Variants in GPC5 observed in about 807,000 individuals in gnomAD.
GPC5 encodes the protein glypican 5, also known as glypican-5.
In GPC5, 47 loss-of-function variants were observed where a neutral mutation model predicts 53.9. The observed-to-expected ratio is 0.87, with a 90% CI of 0.69 to 1.11. The LOEUF is 1.11. Among genes scored for constraint, GPC5 ranks in the 50% most tolerant of loss-of-function variants. GPC5 has a pLI of 0.00. For synonymous variants in GPC5, 286 were observed against 263.3 expected (o/e 1.09, Z -0.84); for missense variants, 748 against 713.1 (o/e 1.05, Z -0.56).
intron 5 of GPC5, among the ~76,000 whole-genome samples, chr13:91,837,134 A>G (rs1234362561): frequency 6.6e-6 from 1 of 151,406 alleles, no homozygotes; most frequent in Admixed American, 6.6e-5. Context: ...CCCAAGGCAA[A>G]TTAAAATTTT....
chr13:92,505,660 G>A (rs1880340046), intron 7 of GPC5, among the ~76,000 whole-genome samples: 1 of 152,026 alleles, frequency 6.6e-6, no homozygotes, highest in South Asian at 2.1e-4. Context: ...ACATATGAAT[G>A]TTTATAGCAG....
At chr13:91,959,714 C>T (rs1594688730) in intron 6 of GPC5, among the ~76,000 whole-genome samples, 1 of 143,358 alleles carries the variant, frequency 7.0e-6, no homozygotes, top group South Asian at 2.1e-4. Flanking sequence ...AATAATATAA[C>T]ATAAGATTTC....
chr13:91,596,476 G>T (rs769611997), intron 2 of GPC5, among the ~76,000 whole-genome samples: 1 of 152,130 alleles, frequency 6.6e-6, no homozygotes, highest in Non-Finnish European at 1.5e-5. Context: ...TGGCTTTGAC[G>T]TATTGGTTTT....
At chr13:92,804,265 G>T (rs1047943133) in intron 7 of GPC5, among the ~76,000 whole-genome samples, 1 of 151,854 alleles carries the variant, frequency 6.6e-6, no homozygotes, top group Non-Finnish European at 1.5e-5. Context: ...TAATAAACAG[G>T]CTTCAGCATC....
intron 6 of GPC5, among the ~76,000 whole-genome samples, chr13:92,077,547 T>G (rs1400987361): frequency 6.6e-6 from 1 of 152,112 alleles, no homozygotes; most frequent in African/African-American, 2.4e-5. Context: ...GTCTCCATAA[T>G]AAAAAGAGTT....
intron 6 of GPC5, among the ~76,000 whole-genome samples, chr13:92,114,213 C>A (rs1042315081): frequency 6.6e-6 from 1 of 152,268 alleles, no homozygotes; most frequent in Non-Finnish European, 1.5e-5. Flanking sequence ...ATGTGCACAG[C>A]AACACAGAGG....
intron 3 of GPC5, among the ~76,000 whole-genome samples, chr13:91,725,343 G>A (rs1004557314): frequency 8.5e-5 from 13 of 152,142 alleles, no homozygotes; most frequent in Non-Finnish European, 8.8e-5. Context: ...AGTCAGAGAC[G>A]AAAAATTGTC....
chr13:91,487,809 C>T (rs1883700942), intron 2 of GPC5, among the ~76,000 whole-genome samples: 1 of 152,016 alleles, frequency 6.6e-6, no homozygotes, highest in Non-Finnish European at 1.5e-5. Context: ...ATTTTCGGTC[C>T]TTGTTTTTAT....
At position 92,546,819 on chromosome 13, in the gene GPC5, G is replaced by T. The variant is rs113754347; in HGVS notation, c.1562-319463G>T. ...AGCATGGTACTGCTACCAAAACAGAGATATAGACCAATGGAACAGAACAGA... is the reference window on the plus strand; with the variant it reads ...AGCATGGTACTGCTACCAAAACAGATATATAGACCAATGGAACAGAACAGA... On this transcript the variant is annotated intron_variant, in intron 7 of 7. Transcript: ENST00000377067. Among the ~76,000 whole-genome samples the T allele has an allele frequency of 1.9e-3, 296 of 152,208 alleles. 2 individuals are homozygous for T. Among genetic ancestry groups the T allele is most frequent in the African/African-American group, 6.8e-3 (282 of 41,518 alleles).
At chr13:91,860,525 CT>C (rs553332919) in intron 5 of GPC5, among the ~76,000 whole-genome samples, 185 of 132,180 alleles carry the variant, frequency 1.4e-3, no homozygotes, top group Middle Eastern at 7.7e-3. Flanking sequence ...TTCTTTATTT[CT>C]TTTTTTTTTT....
rs377423417 is a variant in GPC5, at chr13:92,188,292, T to G, written c.1561+43303T>G. Among the ~76,000 whole-genome samples the G allele has an allele frequency of 7.9e-5, 12 of 152,272 alleles. No homozygotes were observed. The South Asian group carries it at 2.3e-3, about 29-fold the overall frequency. ...GAAAGGAGACAGTGAAAAGACTTAT[T>G]GACAGATGAAAGGGGCTCAACTTGA... On this transcript the variant is annotated intron_variant, in intron 7 of 7. Coordinates refer to ENST00000377067, the MANE Select transcript of GPC5 (RefSeq NM_004466.6).
rs1378270851 is a variant in GPC5, at chr13:92,257,484, T to C, written c.1561+112495T>C. Among the ~76,000 whole-genome samples, 3 of 151,898 alleles carry C rather than the reference T, an allele frequency of 2.0e-5. No homozygotes were observed. In the East Asian group the frequency reaches 5.8e-4, roughly 29 times the overall value. ...TATCTGGTTTCTATTATGTGCAAGA[T>C]TCTCTGCACTTAGCATGTAGTTATA... On this transcript the variant is annotated intron_variant, in intron 7 of 7. Transcript: ENST00000377067.
intron 2 of GPC5, among the ~76,000 whole-genome samples, chr13:91,489,647 A>C (rs1173094784): frequency 6.6e-6 from 1 of 152,202 alleles, no homozygotes; most frequent in Non-Finnish European, 1.5e-5. Flanking sequence ...CCAAATAAGC[A>C]CATTTTAAAA....
At chr13:92,369,779 T>G (rs943258275) in intron 7 of GPC5, among the ~76,000 whole-genome samples, 1 of 152,220 alleles carries the variant, frequency 6.6e-6, no homozygotes, top group African/African-American at 2.4e-5. Context: ...TTGTATTACA[T>G]ATAGTAACTG....
chr13:92,344,275 G>A (rs993656245), intron 7 of GPC5, among the ~76,000 whole-genome samples: 1 of 152,016 alleles, frequency 6.6e-6, no homozygotes, highest in Non-Finnish European at 1.5e-5. Flanking sequence ...AAAACCATCA[G>A]CTCTCCTGAG....
chr13:92,711,874 A>G (rs1264331904), intron 7 of GPC5, among the ~76,000 whole-genome samples: 2 of 152,006 alleles, frequency 1.3e-5, no homozygotes, highest in African/African-American at 4.8e-5. Flanking sequence ...ATTACATTGA[A>G]CTTAATGAAG....
chr13:92,172,117 C>G (rs2042074732), intron 7 of GPC5, among the ~76,000 whole-genome samples: 1 of 152,092 alleles, frequency 6.6e-6, no homozygotes, highest in South Asian at 2.1e-4. Context: ...TAAAACATTC[C>G]TAAATGAATA....
chr13:91,413,354 T>TAG (rs556778753), intron 1 of GPC5, among the ~76,000 whole-genome samples: 64 of 146,336 alleles, frequency 4.4e-4, no homozygotes, highest in Non-Finnish European at 7.6e-4. Flanking sequence ...TGGCCCCACT[T>TAG]AAAAAAAAAA....
intron 7 of GPC5, among the ~76,000 whole-genome samples, chr13:92,492,642 T>A (rs1371478634): frequency 1.3e-5 from 2 of 152,270 alleles, no homozygotes; most frequent in East Asian, 1.9e-4. Context: ...AAAGAGATGA[T>A]ATTATAAGCA....
Sources: allele counts gnomAD v4.1 joint callset (sites outside exome capture counted in the v4.1 genomes callset), GRCh38; gene constraint gnomAD v4.1.1; transcripts MANE v1.5; gene names NCBI Gene and HGNC (gene_info 2026-07-23, HGNC 2026-07-21).